SYTL4: variants seen among roughly 807,000 people sequenced by gnomAD.
SYTL4 encodes synaptotagmin like 4, also known as synaptotagmin-like protein 4.
A neutral mutation model predicts 52.7 loss-of-function variants in SYTL4; 16 were observed. The observed-to-expected ratio is 0.30, with a 90% CI of 0.21 to 0.46. The LOEUF (loss-of-function observed/expected upper bound fraction) is 0.46, where lower values mean the gene tolerates loss of function less well. Ranked by LOEUF, SYTL4 falls within the 20% of genes least tolerant of loss-of-function variation. SYTL4 has a pLI of 1.00. For synonymous variants in SYTL4, 160 were observed against 186.6 expected, an observed-to-expected ratio of 0.86 and a Z score of 1.16; for missense variants, 423 against 519.9, an observed-to-expected ratio of 0.81 and a Z score of 1.81.
intron 2 of SYTL4, among the ~76,000 whole-genome samples, chrX:100,723,862 G>A (rs781391001): frequency 0.017 from 1,808 of 108,923 alleles, 12 homozygotes; most frequent in Non-Finnish European, 0.027. Context: ...CACCCCGTCC[G>A]GGAGGGAGGT....
intron 2 of SYTL4, among the ~76,000 whole-genome samples, chrX:100,721,604 A>G (rs991734597): frequency 1.8e-5 from 2 of 110,750 alleles, no homozygotes; most frequent in Non-Finnish European, 3.8e-5. Flanking sequence ...TCCACCTTTG[A>G]TATCACTGAT....
chrX:100,678,791 T>A (rs371917806), intron 18 of SYTL4, 192 bp from the exon 19 acceptor site: 1 of 427,432 alleles, frequency 2.3e-6, no homozygotes. Context: ...CTGATTCAAT[T>A]CCTTTAACCT....
chrX:100,693,017 A>G (rs59024240), intron 8 of SYTL4, among the ~76,000 whole-genome samples: 361 of 111,142 alleles, frequency 3.2e-3, no homozygotes, highest in African/African-American at 0.012. Context: ...TACAACCTCC[A>G]CCTCCTGGGT....
At chrX:100,715,214 G>T (rs1406281656) in intron 2 of SYTL4, among the ~76,000 whole-genome samples, 1 of 110,746 alleles carries the variant, frequency 9.0e-6, no homozygotes, top group African/African-American at 3.3e-5. Flanking sequence ...GTAGAGATGG[G>T]GTTTCACCAT....
intron 2 of SYTL4, among the ~76,000 whole-genome samples, chrX:100,718,095 A>G (rs1039846713): frequency 3.6e-5 from 4 of 112,134 alleles, no homozygotes; most frequent in Non-Finnish European, 5.6e-5. Flanking sequence ...ATCATGAGTA[A>G]AAGGCATAGC....
chrX:100,689,719 G>A, intron 12 of SYTL4, 137 bp downstream of exon 12: 5 of 212,739 alleles, frequency 2.4e-5, no homozygotes, highest in South Asian at 9.8e-5. Context: ...ATTTACTTTA[G>A]AAACTTGGGG....
intron 2 of SYTL4, among the ~76,000 whole-genome samples, chrX:100,718,799 C>T (rs1767293290): frequency 1.0e-5 from 1 of 98,178 alleles, no homozygotes; most frequent in Non-Finnish European, 2.0e-5. Context: ...CTTTTCACTC[C>T]TTTTTTTTTT....
intron 2 of SYTL4, among the ~76,000 whole-genome samples, chrX:100,714,455 T>C: frequency 9.0e-6 from 1 of 110,867 alleles, no homozygotes; most frequent in African/African-American, 3.3e-5. Context: ...GAGACAGGGT[T>C]TCACCGTGTT....
intron 16 of SYTL4, among the ~76,000 whole-genome samples, chrX:100,681,913 T>C (rs2083381543): frequency 8.9e-6 from 1 of 112,432 alleles, no homozygotes; most frequent in Non-Finnish European, 1.9e-5. Context: ...ATATTCATAG[T>C]TGTACATGTG....
At chrX:100,692,970 A>G (rs2083631034) in intron 8 of SYTL4, among the ~76,000 whole-genome samples, 1 of 111,698 alleles carries the variant, frequency 9.0e-6, no homozygotes, top group Non-Finnish European at 1.9e-5. Flanking sequence ...AGTCTCTGTC[A>G]CCCAGGCTGG....
rs751628011 is a variant in SYTL4, at chrX:100,687,078, C to T, written c.1173G>A (p.Lys391=). The T allele has an allele frequency of 9.1e-6, 11 of 1,209,042 alleles. No homozygotes were observed. In the Admixed American group the frequency reaches 2.2e-4, roughly 24 times the overall value. ...HQLAYADEAK[K]RSNPYVKTYL... ...CCAGAAGCACTCACGGGTTAGAGCG[C>T]TTCTTGGCTTCATCAGCATAGGCCA... The change falls in exon 14 of 20, where the codon AAG becomes AAA. Residue 391 remains lysine, a synonymous_variant. Coordinates refer to ENST00000372989, the MANE Select transcript of SYTL4 (RefSeq NM_001370165.1).
At chrX:100,682,627 A>G (rs753294371) in intron 16 of SYTL4, among the ~76,000 whole-genome samples, 76 of 110,369 alleles carry the variant, frequency 6.9e-4, no homozygotes, top group Non-Finnish European at 1.3e-3. Flanking sequence ...GAATCACTTG[A>G]ACCCAGGAGG....
Position 100,688,817 on chromosome X carries a change from G to A in SYTL4, c.913-374C>T, listed in dbSNP as rs183993799. Among the ~76,000 whole-genome samples the A allele has an allele frequency of 5.7e-3, 615 of 108,739 alleles. 7 individuals are homozygous for A. Among genetic ancestry groups the A allele is most frequent in the African/African-American group, 0.019 (574 of 29,925 alleles). The allele number at this position is 108,739 out of a possible 115,157, so 94.4% of individuals were successfully genotyped here. Reference sequence around the variant, plus strand: ...TGATCTCAGGTGATCCGCCTGCCTCGGCCTCCCAAAGTGCTGAGATTACAG... The same window carrying A: ...TGATCTCAGGTGATCCGCCTGCCTCAGCCTCCCAAAGTGCTGAGATTACAG... On this transcript the variant is annotated intron_variant, in intron 12 of 19. Coordinates refer to ENST00000372989, the MANE Select transcript of SYTL4 (RefSeq NM_001370165.1).
At chrX:100,724,097 T>G (rs1602938051) in intron 2 of SYTL4, among the ~76,000 whole-genome samples, 1 of 68,113 alleles carries the variant, frequency 1.5e-5, no homozygotes, top group Non-Finnish European at 2.7e-5. Context: ...TGCTGGGAAG[T>G]GAGGAGCCCC....
At chrX:100,679,208 G>A (rs976623681) in intron 18 of SYTL4, 105 bp downstream of exon 18, 71 of 625,034 alleles carry the variant, frequency 1.1e-4, no homozygotes, top group Admixed American at 2.7e-4. Flanking sequence ...TTTGGTTGCC[G>A]GGAGTGGTAA....
At chrX:100,694,656 C>T (rs890189324) in intron 8 of SYTL4, among the ~76,000 whole-genome samples, 1 of 111,506 alleles carries the variant, frequency 9.0e-6, no homozygotes, top group African/African-American at 3.3e-5. Flanking sequence ...TCTCCCACCC[C>T]GGAAATCTAA....
intron 8 of SYTL4, among the ~76,000 whole-genome samples, chrX:100,696,932 G>A (rs968700688): frequency 1.8e-5 from 2 of 111,226 alleles, no homozygotes; most frequent in South Asian, 7.6e-4. Flanking sequence ...AAAATTCACC[G>A]CCACAACCAA....
At chrX:100,699,400 AAAAAGAAAAG>A (rs1218875402) in intron 8 of SYTL4, among the ~76,000 whole-genome samples, 1 of 107,655 alleles carries the variant, frequency 9.3e-6, no homozygotes, top group African/African-American at 3.4e-5. Flanking sequence ...AAAGAAAAGA[AAAAAGAAAAG>A]AAAAGAAAAA....
chrX:100,705,616 T>G (rs1404278150), intron 2 of SYTL4, among the ~76,000 whole-genome samples: 3 of 111,182 alleles, frequency 2.7e-5, no homozygotes, highest in African/African-American at 9.8e-5. Flanking sequence ...ACAGGCACAC[T>G]AGAAATGAGA....
Sources: gnomAD v4.1 joint callset for allele counts (sites outside exome capture counted in the v4.1 genomes callset) on GRCh38, gnomAD v4.1.1 for gene constraint, MANE v1.5 for transcripts, NCBI Gene and HGNC (gene_info 2026-07-23, HGNC 2026-07-21) for gene names.